KIAA0825: variants seen among roughly 807,000 people sequenced by gnomAD.
KIAA0825 encodes the protein uncharacterized protein KIAA0825.
In KIAA0825, 119 loss-of-function variants were observed where a neutral mutation model predicts 147.6. That is an observed-to-expected ratio of 0.81 (90% CI 0.69 to 0.94). The LOEUF is 0.94. Ranked by LOEUF, KIAA0825 falls within the 40% of genes least tolerant of loss-of-function variation. KIAA0825 has a pLI of 0.00. For synonymous variants in KIAA0825, 470 were observed against 518.1 expected (o/e 0.91, Z 1.26); for missense variants, 1,381 against 1,472.7 (o/e 0.94, Z 1.02).
intron 20 of KIAA0825, among the ~76,000 whole-genome samples, chr5:94,342,520 G>A (rs140703856): frequency 1.8e-4 from 27 of 152,304 alleles, no homozygotes; most frequent in African/African-American, 6.0e-4. Flanking sequence ...AGAAAAGTCA[G>A]TGACACAGAG....
intron 5 of KIAA0825, among the ~76,000 whole-genome samples, chr5:94,507,683 T>C (rs1455328079): frequency 6.7e-6 from 1 of 149,706 alleles, no homozygotes; most frequent in African/African-American, 2.5e-5. Flanking sequence ...AAAGAAATCA[T>C]ACTTCTGAGA....
chr5:94,334,366 C>CAGA (rs1238085512), intron 20 of KIAA0825, among the ~76,000 whole-genome samples: 1 of 152,246 alleles, frequency 6.6e-6, no homozygotes, highest in East Asian at 1.9e-4. Context: ...CATAGTTCAA[C>CAGA]AGAAGAAGTC....
At chr5:94,312,368 G>A (rs1030573988) in intron 20 of KIAA0825, among the ~76,000 whole-genome samples, 3 of 151,520 alleles carry the variant, frequency 2.0e-5, no homozygotes, top group South Asian at 2.1e-4. Flanking sequence ...TCTTAGAAAC[G>A]AGTATTATTC....
At chr5:94,356,075 C>CA (rs1784214013) in intron 20 of KIAA0825, among the ~76,000 whole-genome samples, 1 of 152,128 alleles carries the variant, frequency 6.6e-6, no homozygotes, top group Non-Finnish European at 1.5e-5. Context: ...CTCTGAGGGG[C>CA]AAGGTCCTAG....
chr5:94,236,310 A>G (rs1443397729), intron 20 of KIAA0825, among the ~76,000 whole-genome samples: 2 of 152,308 alleles, frequency 1.3e-5, no homozygotes, highest in East Asian at 3.9e-4. Flanking sequence ...TTAGGACTTC[A>G]GTGGAGGAAG....
intron 2 of KIAA0825, among the ~76,000 whole-genome samples, chr5:94,553,775 C>CAA (rs556501134): frequency 3.5e-5 from 4 of 114,274 alleles, no homozygotes; most frequent in African/African-American, 9.4e-5. Flanking sequence ...AAAAAACAAC[C>CAA]AAAAAAAAAA....
chr5:94,586,527 G>A (rs944667216), intron 1 of KIAA0825, among the ~76,000 whole-genome samples: 3 of 152,004 alleles, frequency 2.0e-5, no homozygotes, highest in African/African-American at 7.2e-5. Flanking sequence ...ATAACAAACA[G>A]GTTCTGAAAT....
At chr5:94,240,670 T>C (rs1217502847) in intron 20 of KIAA0825, among the ~76,000 whole-genome samples, 1 of 152,176 alleles carries the variant, frequency 6.6e-6, no homozygotes, top group Non-Finnish European at 1.5e-5. Context: ...ATGGATACTA[T>C]AACAGGGGTG....
intron 20 of KIAA0825, among the ~76,000 whole-genome samples, chr5:94,166,113 T>A (rs1020473142): frequency 5.9e-5 from 9 of 152,156 alleles, no homozygotes; most frequent in African/African-American, 9.7e-5. Flanking sequence ...ACATCTCATG[T>A]ACCCCATAAA....
chr5:94,283,673 C>A (rs1296606449), intron 20 of KIAA0825, among the ~76,000 whole-genome samples: 1 of 152,020 alleles, frequency 6.6e-6, no homozygotes, highest in East Asian at 1.9e-4. Flanking sequence ...TTGTTATTCC[C>A]TAATAATATA....
chr5:94,569,959 C>CT (rs906594198), intron 2 of KIAA0825: 5 of 154,196 alleles, frequency 3.2e-5, no homozygotes, highest in African/African-American at 1.2e-4. Flanking sequence ...AAATATTCTT[C>CT]TGAGGAGCCA....
At chr5:94,576,142 C>T (rs1780993535) in intron 2 of KIAA0825, among the ~76,000 whole-genome samples, 1 of 151,978 alleles carries the variant, frequency 6.6e-6, no homozygotes, top group Non-Finnish European at 1.5e-5. Flanking sequence ...GTTCATGAGA[C>T]TAAGATGTAG....
At chr5:94,398,435 TTC>T (rs773980350) in intron 16 of KIAA0825, among the ~76,000 whole-genome samples, 2 of 149,420 alleles carry the variant, frequency 1.3e-5, no homozygotes, top group Admixed American at 1.4e-4. Context: ...GCTTTTAGAC[TTC>T]TGAGTATATC....
At chr5:94,330,952 T>C (rs1584139507) in intron 20 of KIAA0825, among the ~76,000 whole-genome samples, 2 of 151,828 alleles carry the variant, frequency 1.3e-5, no homozygotes, top group African/African-American at 2.4e-5. Flanking sequence ...CTGGCCAACA[T>C]TGTGAAACCC....
chr5:94,567,833 T>A (rs916465869), intron 2 of KIAA0825: 2 of 154,964 alleles, frequency 1.3e-5, no homozygotes, highest in African/African-American at 4.8e-5. Flanking sequence ...CTGACTCCCC[T>A]CAGCCATAGA....
intron 20 of KIAA0825, among the ~76,000 whole-genome samples, chr5:94,279,615 C>T (rs1777372685): frequency 6.6e-6 from 1 of 151,964 alleles, no homozygotes. Context: ...AATCTTACCT[C>T]TCCCCTTCCT....
chr5:94,246,186 C>G (rs948167838), intron 20 of KIAA0825, among the ~76,000 whole-genome samples: 1 of 152,076 alleles, frequency 6.6e-6, no homozygotes, highest in Admixed American at 6.6e-5. Context: ...CAGTGAGCTA[C>G]CTTTTCTTCT....
intron 20 of KIAA0825, among the ~76,000 whole-genome samples, chr5:94,170,008 C>T (rs565118780): frequency 1.6e-4 from 24 of 152,100 alleles, no homozygotes; most frequent in Non-Finnish European, 2.2e-4. Context: ...ACATCTCCCA[C>T]GTAAGCTATC....
At chr5:94,574,835 C>T (rs1257824591) in intron 2 of KIAA0825, among the ~76,000 whole-genome samples, 1 of 152,086 alleles carries the variant, frequency 6.6e-6, no homozygotes, top group East Asian at 1.9e-4. Flanking sequence ...AAGCAATCCT[C>T]CTGCCTCAGC....
Sources: allele counts gnomAD v4.1 joint callset (sites outside exome capture counted in the v4.1 genomes callset), GRCh38; gene constraint gnomAD v4.1.1; transcripts MANE v1.5; gene names NCBI Gene and HGNC (gene_info 2026-07-23, HGNC 2026-07-21).